Variants in CNTN1 observed in about 807,000 individuals in gnomAD.
CNTN1 encodes the protein contactin-1.
A neutral mutation model predicts 126.4 loss-of-function variants in CNTN1; 38 were observed. That is an observed-to-expected ratio of 0.30 (90% CI 0.23 to 0.39). CNTN1 has a LOEUF of 0.39. Among genes scored for constraint, CNTN1 ranks in the 10% least tolerant of loss-of-function variants. The pLI is 1.00. For missense variants in CNTN1, 1,009 were observed against 1,248.4 expected (o/e 0.81, Z 2.89); for synonymous variants, 413 against 422.6 (o/e 0.98, Z 0.28).
chr12:40,855,699 A>G lies in CNTN1; in HGVS notation c.-76-52658A>G, dbSNP rs2136629659. 2.0e-5 allele frequency among the ~76,000 whole-genome samples: 3 copies of G among 152,256 alleles called. No homozygotes were observed. The East Asian group carries it at 5.8e-4, about 29-fold the overall frequency. The stretch of plus-strand genomic sequence containing the variant: ...AATTCTGAAAAAATTGTTACTGACA[A>G]AAGAAGTACAACTTTATTGGCAATG... On this transcript the variant is annotated intron_variant, in intron 1 of 23. Coordinates refer to ENST00000551295, the MANE Select transcript of CNTN1 (RefSeq NM_001843.4).
rs562555033 is a variant in CNTN1, at chr12:41,018,932, G to A, written c.2420-1405G>A. 1.4e-4 allele frequency among the ~76,000 whole-genome samples: 22 copies of A among 152,092 alleles called. No individual in the cohort carries two copies. The East Asian group carries it at 2.3e-3, about 16-fold the overall frequency. ...AGCACTTTGGGAGGTCGAGGTGGGC[G>A]GATCACCTGAAGTCAGGAGTTCGAG... On this transcript the variant is annotated intron_variant, in intron 19 of 23. Coordinates refer to ENST00000551295, the MANE Select transcript of CNTN1 (RefSeq NM_001843.4).
At chr12:40,715,115 C>A (rs979968744) in intron 1 of CNTN1, among the ~76,000 whole-genome samples, 1 of 152,122 alleles carries the variant, frequency 6.6e-6, no homozygotes, top group Non-Finnish European at 1.5e-5. Flanking sequence ...GATTGTTAAG[C>A]ATAAATGTAC....
chr12:40,971,500 C>G, intron 15 of CNTN1: 2 of 1,596,540 alleles, frequency 1.3e-6, no homozygotes. Context: ...GCAAGCCTGC[C>G]TCCAACCTGG....
At chr12:41,040,808 T>A (rs1411151030) in intron 23 of CNTN1, among the ~76,000 whole-genome samples, 19 of 148,610 alleles carry the variant, frequency 1.3e-4, no homozygotes, top group Admixed American at 6.1e-4. Context: ...CTTAAGGAGA[T>A]TTTGGGCTGA....
At chr12:40,773,656 C>CATAT (rs1565715561) in intron 1 of CNTN1, among the ~76,000 whole-genome samples, 383 of 8,220 alleles carry the variant, frequency 0.047, 2 homozygotes, top group African/African-American at 0.08. Context: ...TATATATATA[C>CATAT]ACATATATAT....
At chr12:40,815,322 G>C (rs142758680) in intron 1 of CNTN1, among the ~76,000 whole-genome samples, 3,457 of 151,720 alleles carry the variant, frequency 0.023, 129 homozygotes, top group African/African-American at 0.078. Flanking sequence ...TCTCTCATTT[G>C]CTTGAGCAGT....
At chr12:41,028,941 T>C in intron 22 of CNTN1, 122 bp from the exon 23 acceptor site, 8 of 963,286 alleles carry the variant, frequency 8.3e-6, no homozygotes, top group Middle Eastern at 3.2e-4. Context: ...GTTTTTCCTC[T>C]TGTTTTAAAT....
chr12:40,972,160 T>G (rs2137048540), intron 15 of CNTN1: 1 of 985,360 alleles, frequency 1.0e-6, no homozygotes, highest in African/African-American at 1.7e-5. Context: ...GTAGCAAGAT[T>G]TTAGTAAAGA....
rs561213835 is a variant in CNTN1 at position 41,048,527 on chromosome 12, T to C, written c.2980+19308T>C. Among the ~76,000 whole-genome samples the C allele has an allele frequency of 7.1e-4, 108 of 152,282 alleles. 4 individuals carry two copies. The South Asian group carries it at 0.017, about 24-fold the overall frequency. ...ACCCCTCCACATGGAAGCCAGATTC[T>C]AACACCTCTCGTTAATTCAAGAATA... On this transcript the variant is annotated intron_variant, in intron 23 of 23. Transcript: ENST00000551295.
At chr12:41,035,019 T>C (rs1423516184) in intron 23 of CNTN1, among the ~76,000 whole-genome samples, 2 of 152,182 alleles carry the variant, frequency 1.3e-5, no homozygotes, top group Non-Finnish European at 2.9e-5. Flanking sequence ...TGAGTACAAC[T>C]TCTAGAAGCA....
chr12:40,983,792 A>C (rs1227666073), intron 16 of CNTN1, among the ~76,000 whole-genome samples: 1 of 147,522 alleles, frequency 6.8e-6, no homozygotes, highest in Non-Finnish European at 1.5e-5. Context: ...TAATATAGTT[A>C]TATATTACTA....
chr12:40,813,029 T>TTTC (rs1491453705), intron 1 of CNTN1, among the ~76,000 whole-genome samples: 54,554 of 112,560 alleles, frequency 0.48, 14,096 homozygotes, highest in East Asian at 0.77. Flanking sequence ...TCTTTCTTTC[T>TTTC]CTTTCTTTCC....
At chr12:40,954,150 A>G (rs890952692) in intron 14 of CNTN1, among the ~76,000 whole-genome samples, 1 of 152,106 alleles carries the variant, frequency 6.6e-6, no homozygotes, top group African/African-American at 2.4e-5. Flanking sequence ...TAATGAATAA[A>G]TACCAAAAAA....
At chr12:40,864,480 T>C (rs1284552408) in intron 1 of CNTN1, among the ~76,000 whole-genome samples, 1 of 152,154 alleles carries the variant, frequency 6.6e-6, no homozygotes, top group Non-Finnish European at 1.5e-5. Context: ...AGTGTTGGCT[T>C]CATTCTGCCC....
chr12:40,727,058 CTTTT>C (rs1344313286), intron 1 of CNTN1, among the ~76,000 whole-genome samples: 1 of 148,912 alleles, frequency 6.7e-6, no homozygotes, highest in Non-Finnish European at 1.5e-5. Context: ...TCCTCATGTT[CTTTT>C]TTATTATAAT....
intron 1 of CNTN1, among the ~76,000 whole-genome samples, chr12:40,723,379 C>T (rs1942269541): frequency 6.6e-6 from 1 of 152,180 alleles, no homozygotes; most frequent in Non-Finnish European, 1.5e-5. Flanking sequence ...TTTACGCTTT[C>T]AGTTTTATTA....
At chr12:40,856,557 G>T (rs1266375318) in intron 1 of CNTN1, among the ~76,000 whole-genome samples, 2 of 152,214 alleles carry the variant, frequency 1.3e-5, no homozygotes, top group African/African-American at 4.8e-5. Context: ...TGCAGAGAAA[G>T]CACAAAGTTG....
intron 23 of CNTN1, among the ~76,000 whole-genome samples, chr12:41,056,333 A>C (rs1195032714): frequency 6.6e-6 from 1 of 152,128 alleles, no homozygotes; most frequent in East Asian, 1.9e-4. Flanking sequence ...ACTTGTCCAA[A>C]GTCCTACAGC....
intron 17 of CNTN1, among the ~76,000 whole-genome samples, chr12:41,003,332 G>A (rs1440392433): frequency 6.6e-6 from 1 of 152,100 alleles, no homozygotes; most frequent in Non-Finnish European, 1.5e-5. Context: ...ATGTGCTGCT[G>A]GATTTGGTTT....
Sources: allele counts gnomAD v4.1 joint callset (sites outside exome capture counted in the v4.1 genomes callset), GRCh38; gene constraint gnomAD v4.1.1; transcripts MANE v1.5; gene names NCBI Gene and HGNC (gene_info 2026-07-23, HGNC 2026-07-21).